SLC2A13: variants seen among roughly 807,000 people sequenced by gnomAD.
SLC2A13 encodes the protein solute carrier family 2 member 13.
SLC2A13 carries 32 observed loss-of-function variants against 64.4 expected under a neutral mutation model. That is an observed-to-expected ratio of 0.50 (90% confidence interval 0.37 to 0.67). The LOEUF (loss-of-function observed/expected upper bound fraction) is 0.67. Ranked by LOEUF, SLC2A13 falls within the 30% of genes least tolerant of loss-of-function variation. The pLI, the probability that SLC2A13 is intolerant of heterozygous loss-of-function variation, is 0.00. For synonymous variants in SLC2A13, 338 were observed against 327.1 expected (o/e 1.03, Z -0.36); for missense variants, 743 against 829.2 (o/e 0.90, Z 1.28).
chr12:39,892,446 C>T (rs1210902313), intron 4 of SLC2A13, among the ~76,000 whole-genome samples: 2 of 152,236 alleles, frequency 1.3e-5, no homozygotes, highest in Non-Finnish European at 2.9e-5. Context: ...GAGTGATAGA[C>T]TGCTTATGAT....
At chr12:39,824,348 G>A (rs984742479) in intron 7 of SLC2A13, among the ~76,000 whole-genome samples, 9 of 152,256 alleles carry the variant, frequency 5.9e-5, no homozygotes, top group South Asian at 2.1e-4. Flanking sequence ...TTCTAGCAGC[G>A]CTCTTACAAG....
At chr12:39,874,113 C>A (rs1944122161) in intron 4 of SLC2A13, among the ~76,000 whole-genome samples, 1 of 152,102 alleles carries the variant, frequency 6.6e-6, no homozygotes, top group African/African-American at 2.4e-5. Flanking sequence ...AAGGACAGAG[C>A]AAATAATTTA....
intron 7 of SLC2A13, among the ~76,000 whole-genome samples, chr12:39,812,515 C>G (rs1221169702): frequency 6.6e-6 from 1 of 151,698 alleles, no homozygotes; most frequent in Non-Finnish European, 1.5e-5. Flanking sequence ...CTCTGTTGCT[C>G]AGGCTGGAGT....
chr12:39,961,077 CTTT>C (rs1014189208), intron 3 of SLC2A13, among the ~76,000 whole-genome samples: 8 of 133,750 alleles, frequency 6.0e-5, no homozygotes, highest in Admixed American at 2.3e-4. Context: ...ATGTTTTTTT[CTTT>C]TTTTTTTTTT....
chr12:39,979,300 G>T (rs1460485375), intron 3 of SLC2A13, among the ~76,000 whole-genome samples: 2 of 146,968 alleles, frequency 1.4e-5, no homozygotes, highest in African/African-American at 5.1e-5. Context: ...TTCCTCACCA[G>T]CAACGGAACA....
intron 4 of SLC2A13, among the ~76,000 whole-genome samples, chr12:39,892,746 TA>T (rs1944644972): frequency 6.6e-6 from 1 of 152,108 alleles, no homozygotes; most frequent in Non-Finnish European, 1.5e-5. Context: ...TGTTCCAAAG[TA>T]GTGACAGAAA....
intron 7 of SLC2A13, among the ~76,000 whole-genome samples, chr12:39,795,667 G>A (rs888336019): frequency 1.3e-5 from 2 of 152,152 alleles, no homozygotes; most frequent in Non-Finnish European, 2.9e-5. Flanking sequence ...TAGACACCTG[G>A]AGGTGCTGCA....
At chr12:40,028,548 C>T (rs1947859729) in intron 2 of SLC2A13, 39 bp from the exon 3 acceptor site, 3 of 1,602,164 alleles carry the variant, frequency 1.9e-6, no homozygotes, top group Non-Finnish European at 1.7e-6. Context: ...GTAAAATTTG[C>T]TCTTACCATC....
chr12:40,042,922 G>T (rs1948111473), intron 2 of SLC2A13, among the ~76,000 whole-genome samples: 1 of 145,348 alleles, frequency 6.9e-6, no homozygotes, highest in East Asian at 2.0e-4. Flanking sequence ...CCTGGATAGG[G>T]TAGGGAGACA....
At chr12:39,813,190 T>C (rs1358599595) in intron 7 of SLC2A13, among the ~76,000 whole-genome samples, 1 of 151,820 alleles carries the variant, frequency 6.6e-6, no homozygotes, top group Non-Finnish European at 1.5e-5. Context: ...TTTATTGGAT[T>C]AATTAGATAT....
chr12:39,871,253 A>G (rs555816129), intron 5 of SLC2A13, among the ~76,000 whole-genome samples: 6 of 152,308 alleles, frequency 3.9e-5, no homozygotes, highest in African/African-American at 1.4e-4. Flanking sequence ...TTATTTTGCT[A>G]TCATAGAAAA....
chr12:40,029,234 T>C (rs905293631), intron 2 of SLC2A13, among the ~76,000 whole-genome samples: 6 of 152,172 alleles, frequency 3.9e-5, no homozygotes, highest in Non-Finnish European at 2.9e-5. Flanking sequence ...ACAAAAATAG[T>C]AATGAGTATA....
At chr12:40,070,840 C>T (rs576825828) in intron 1 of SLC2A13, among the ~76,000 whole-genome samples, 122 of 152,214 alleles carry the variant, frequency 8.0e-4, no homozygotes, top group African/African-American at 2.7e-3. Context: ...ATAATAAACT[C>T]TGTTTGGCGT....
intron 4 of SLC2A13, among the ~76,000 whole-genome samples, chr12:39,929,658 G>A (rs1945790286): frequency 6.6e-6 from 1 of 152,174 alleles, no homozygotes; most frequent in South Asian, 2.1e-4. Flanking sequence ...CCAGATGGGA[G>A]AGGCAGGCAG....
chr12:39,921,677 C>T (rs1049880359), intron 4 of SLC2A13, among the ~76,000 whole-genome samples: 7 of 152,036 alleles, frequency 4.6e-5, no homozygotes, highest in Admixed American at 3.3e-4. Context: ...AGCATTTAAG[C>T]GAAAACTTAA....
chr12:40,042,959 G>GAAAAAA (rs58322891), intron 2 of SLC2A13, among the ~76,000 whole-genome samples: 3 of 111,458 alleles, frequency 2.7e-5, no homozygotes, highest in Non-Finnish European at 3.6e-5. Context: ...GCATAAGAAT[G>GAAAAAA]AAAAAAAAAA....
At chr12:39,786,867 G>T (rs1294330460) in intron 7 of SLC2A13, among the ~76,000 whole-genome samples, 2 of 152,158 alleles carry the variant, frequency 1.3e-5, no homozygotes, top group Non-Finnish European at 2.9e-5. Flanking sequence ...TTTAGTAAAT[G>T]ACTTATTTTG....
At chr12:40,082,343 GCTTA>G (rs1938436759) in intron 1 of SLC2A13, among the ~76,000 whole-genome samples, 1 of 152,324 alleles carries the variant, frequency 6.6e-6, no homozygotes, top group African/African-American at 2.4e-5. Flanking sequence ...GCCTGCTGTT[GCTTA>G]CTTTTCAGAA....
chr12:39,834,865 A>T (rs1942963926), intron 6 of SLC2A13, among the ~76,000 whole-genome samples: 1 of 152,082 alleles, frequency 6.6e-6, no homozygotes, highest in South Asian at 2.1e-4. Flanking sequence ...GGTGGCACAA[A>T]ACTTTAAATA....
Sources: gnomAD v4.1 joint callset for allele counts (sites outside exome capture counted in the v4.1 genomes callset) on GRCh38, gnomAD v4.1.1 for gene constraint, MANE v1.5 for transcripts, NCBI Gene and HGNC (gene_info 2026-07-23, HGNC 2026-07-21) for gene names.